Variants in ZNF778 observed in about 807,000 individuals in gnomAD.
ZNF778 encodes the protein zinc finger protein 778.
Under a neutral mutation model 23.9 loss-of-function variants are expected in ZNF778, and 37 were observed. The ratio of observed to expected loss-of-function variants is 1.54; its 90% CI spans 1.19 to 2.03. The LOEUF (loss-of-function observed/expected upper bound fraction) is 2.03, where lower values mean the gene tolerates loss of function less well. ZNF778 is among the 30% of genes most tolerant of loss of function. The probability of loss-of-function intolerance (pLI) is 0.00; values close to 1 mark genes in which losing one functional copy is unlikely to be tolerated. For missense variants in ZNF778, 1,297 were observed against 934.4 expected (o/e 1.39, Z -5.06); for synonymous variants, 483 against 343.9 (o/e 1.40, Z -4.48).
chr16:89,233,615 C>G lies in ZNF778; in HGVS notation c.*5053C>G. ...AACTCAACTCATACTGCATATGCAA[C>G]TCAACTCACACTGTATGCAACTCAG... On this transcript the variant is annotated 3_prime_UTR_variant, in exon 7 of 7. Coordinates refer to ENST00000433976, the MANE Select transcript of ZNF778 (RefSeq NM_001201407.2). 2.6e-6 allele frequency: 3 copies of G among 1,136,160 alleles called. No individual in the cohort carries two copies. Among genetic ancestry groups the G allele is most frequent in the Non-Finnish European group, 3.5e-6 (3 of 866,464 alleles). The allele number at this position is 1,136,160 out of a possible 1,614,324, so 70.4% of individuals were successfully genotyped here.
Position 89,225,486 on chromosome 16 carries a change from G to T in ZNF778, c.329-69G>T, listed in dbSNP as rs535736087. ...CTATCTTTGCTTTGTTTTTTTTTCT[G>T]CCATGTCTTATATGAAAACAAATAC... On this transcript the variant is annotated intron_variant, in intron 5 of 6. Coordinates refer to ENST00000433976, the MANE Select transcript of ZNF778 (RefSeq NM_001201407.2). 1.1e-4 allele frequency: 133 copies of T among 1,215,510 alleles called. 1 individual carries two copies. In the South Asian group the frequency reaches 1.4e-3, roughly 13 times the overall value. 75.3% of individuals were successfully genotyped at this position (1,215,510 alleles called of 1,614,324 possible). A position where few individuals can be genotyped will look rare whatever the true frequency, so the allele number is the denominator to read the frequency against.
chr16:89,224,872 T>A (rs951495374), intron 5 of ZNF778, 70 bp downstream of exon 5: 8 of 1,106,116 alleles, frequency 7.2e-6, no homozygotes. Flanking sequence ...GTGTCAAGTT[T>A]AGCGGCTATG....
chr16:89,219,303 T>A (rs4785769), intron 1 of ZNF778, among the ~76,000 whole-genome samples: 4 of 152,022 alleles, frequency 2.6e-5, no homozygotes, highest in Admixed American at 2.0e-4. Context: ...TCATATTGAC[T>A]TTGGTGTTGT....
In ZNF778 at chr16:89,228,387, C is replaced by T. The variant is rs1567508424; in HGVS notation, c.2099C>T (p.Pro700Leu). 1.2e-6 allele frequency: 2 copies of T among 1,613,726 alleles called. No homozygotes were observed. Among genetic ancestry groups the T allele is most frequent in the African/African-American group, 1.3e-5 (1 of 75,020 alleles). Residue 700 changes from proline to leucine, a missense_variant, in exon 7 of 7, where the codon CCC becomes CTC. Coordinates refer to ENST00000433976, the MANE Select transcript of ZNF778 (RefSeq NM_001201407.2). ...KHGRIHTGQKPYKCKECGKAY... is the reference protein window; with the variant it reads ...KHGRIHTGQKLYKCKECGKAY... ...GGAAGAATTCACACTGGGCAGAAACCCTATAAATGTAAGGAATGTGGGAAA... is the reference window on the plus strand; with the variant it reads ...GGAAGAATTCACACTGGGCAGAAACTCTATAAATGTAAGGAATGTGGGAAA...
At position 89,228,734 on chromosome 16, in the gene ZNF778, A is replaced by C. The variant is rs2031730866; in HGVS notation, c.*172A>C. The C allele has an allele frequency of 7.0e-7, 1 of 1,421,162 alleles. No homozygotes were observed. The allele number at this position is 1,421,162 out of a possible 1,614,324, so 88.0% of individuals were successfully genotyped here. ...AGCCCTATGCAGCAGACACAGAGAA[A>C]GCCCTCAGTGTTCTCTAAGGTCTTG... On this transcript the variant is annotated 3_prime_UTR_variant, in exon 7 of 7. Coordinates refer to ENST00000433976, the MANE Select transcript of ZNF778 (RefSeq NM_001201407.2).
rs745823022 is a variant in ZNF778, at chr16:89,228,175, C to T, written c.1887C>T (p.Ser629=). 3 of 1,613,462 alleles carry T rather than the reference C, an allele frequency of 1.9e-6. No homozygotes were observed. The highest frequency in any genetic ancestry group is 3.3e-5 in the Admixed American group (2 of 59,928). The change falls in exon 7 of 7, where the codon TCC becomes TCT. Residue 629 remains serine, a synonymous_variant. Transcript: ENST00000433976. ...CKVCGKAFTT[S]SHLIVHIRTH... The stretch of plus-strand genomic sequence containing the variant: ...TATGCGGAAAGGCCTTCACCACATC[C>T]TCACACCTTATCGTGCACATAAGAA...
Position 89,228,176 on chromosome 16 carries a change from T to A in ZNF778, c.1888T>A (p.Ser630Thr). The A allele has an allele frequency of 6.2e-7, 1 of 1,613,396 alleles. No homozygotes were observed. The highest frequency in any genetic ancestry group is 8.5e-7 in the Non-Finnish European group (1 of 1,179,568). ...KVCGKAFTTS[S>T]HLIVHIRTHT... ...ATGCGGAAAGGCCTTCACCACATCC[T>A]CACACCTTATCGTGCACATAAGAAC... The change falls in exon 7 of 7, where the codon TCA becomes ACA. Residue 630 changes from serine to threonine, a missense_variant. Physicochemically the swap from Ser to Thr is moderately conservative, Grantham distance 58. Coordinates refer to ENST00000433976, the MANE Select transcript of ZNF778 (RefSeq NM_001201407.2).
chr16:89,235,478 T>C lies in ZNF778; in HGVS notation c.*6916T>C, dbSNP rs1236104773. On this transcript the variant is annotated 3_prime_UTR_variant, in exon 7 of 7. Coordinates refer to ENST00000433976, the MANE Select transcript of ZNF778 (RefSeq NM_001201407.2). ...GAGAAGAGACATGAGCAGTTCTGCG[T>C]AGGCTTTAAGACAGAATCAACATGG... 6.6e-6 allele frequency: 1 copy of C among 152,210 alleles called. No individual in the cohort carries two copies. The highest frequency in any genetic ancestry group is 1.5e-5 in the Non-Finnish European group (1 of 68,044). The allele number at this position is 152,210 out of a possible 1,614,324, so 9.4% of individuals were successfully genotyped here. A position where few individuals can be genotyped will look rare whatever the true frequency, so the allele number is the denominator to read the frequency against.
rs945546246 is a variant in ZNF778, at chr16:89,235,979, A to C, written c.*7417A>C. 4 of 139,722 alleles carry C rather than the reference A, an allele frequency of 2.9e-5. No individual in the cohort carries two copies. The highest frequency in any genetic ancestry group is 1.1e-4 in the African/African-American group (4 of 36,520). 8.7% of individuals were successfully genotyped at this position (139,722 alleles called of 1,614,324 possible). A position where few individuals can be genotyped will look rare whatever the true frequency, so the allele number is the denominator to read the frequency against. ...CATGACCATCCTGGCCAACACAGTGAAACCTCGTCTCTAGTAAAAAAAAAA... is the reference window on the plus strand; with the variant it reads ...CATGACCATCCTGGCCAACACAGTGCAACCTCGTCTCTAGTAAAAAAAAAA... On this transcript the variant is annotated 3_prime_UTR_variant, in exon 7 of 7. Coordinates refer to ENST00000433976, the MANE Select transcript of ZNF778 (RefSeq NM_001201407.2).
rs781132481 is a variant in ZNF778, at chr16:89,227,005, C to T, written c.717C>T (p.Tyr239=). The T allele has an allele frequency of 3.1e-6, 5 of 1,613,848 alleles. No individual in the cohort carries two copies. The African/African-American group carries it at 4.0e-5, about 13-fold the overall frequency. ...GGGAAGTGTTCCTTAATCAGTCATA[C>T]CTTCAGGCACGTGCGGGAAGTCACA... ...SCGEVFLNQS[Y]LQARAGSHNG... is the part of the protein sequence containing the mutation. The change falls in exon 7 of 7, where the codon TAC becomes TAT. Residue 239 remains tyrosine, a synonymous_variant. Coordinates refer to ENST00000433976, the MANE Select transcript of ZNF778 (RefSeq NM_001201407.2).
intron 1 of ZNF778, among the ~76,000 whole-genome samples, chr16:89,218,776 G>A (rs896301515): frequency 6.6e-6 from 1 of 151,518 alleles, no homozygotes; most frequent in South Asian, 2.1e-4. Context: ...GGGCGACAGA[G>A]CGAGACTCCG....
At chr16:89,223,038 C>T (rs2151631165) in intron 3 of ZNF778, 119 bp from the exon 4 acceptor site, 1 of 1,249,060 alleles carries the variant, frequency 8.0e-7, no homozygotes, top group Non-Finnish European at 1.1e-6. Context: ...ACCACTGGGC[C>T]ATGGGGTAGA....
At chr16:89,220,769 G>A (rs1031417998) in intron 1 of ZNF778, among the ~76,000 whole-genome samples, 14 of 152,208 alleles carry the variant, frequency 9.2e-5, no homozygotes, top group African/African-American at 3.4e-4. Context: ...AATCCAGGCT[G>A]TTTTAGGTAT....
intron 4 of ZNF778, 69 bp from the exon 5 acceptor site, chr16:89,224,650 C>T: frequency 9.0e-7 from 1 of 1,111,536 alleles, no homozygotes; most frequent in South Asian, 1.3e-5. Context: ...AATGTAGTTC[C>T]TGTTCACGGG....
chr16:89,225,828 C>T (rs2031426535), intron 6 of ZNF778, among the ~76,000 whole-genome samples, 197 bp downstream of exon 6: 1 of 152,102 alleles, frequency 6.6e-6, no homozygotes, highest in Non-Finnish European at 1.5e-5. Flanking sequence ...TTCAGACACA[C>T]ATCAGCGCAC....
At chr16:89,220,813 A>G (rs745753698) in intron 1 of ZNF778, among the ~76,000 whole-genome samples, 184 bp from the exon 2 acceptor site, 49 of 152,190 alleles carry the variant, frequency 3.2e-4, no homozygotes, top group Admixed American at 8.5e-4. Context: ...GGCTGTTCTG[A>G]TAATTAAAGG....
At position 89,220,993 on chromosome 16, in the gene ZNF778, C is replaced by G. The variant is rs566167264; in HGVS notation, c.-131-4C>G. 1.9e-5 allele frequency: 17 copies of G among 901,186 alleles called. No homozygotes were observed. The African/African-American group carries it at 2.3e-4, about 12-fold the overall frequency. 55.8% of individuals were successfully genotyped at this position (901,186 alleles called of 1,614,324 possible). The stretch of plus-strand genomic sequence containing the variant: ...AAGTAATGCTTCTTCATCATGATTG[C>G]TAGGAAATAGGGATCCAGCCATCCG... On this transcript the variant is annotated splice_polypyrimidine_tract_variant and splice_region_variant and intron_variant, in intron 1 of 6. Transcript: ENST00000433976.
chr16:89,219,664 C>T (rs1405667941), intron 1 of ZNF778, among the ~76,000 whole-genome samples: 7 of 152,238 alleles, frequency 4.6e-5, no homozygotes, highest in African/African-American at 2.4e-5. Context: ...TTACCATGGA[C>T]GCTGTGTCAG....
chr16:89,232,868 G>T lies in ZNF778; in HGVS notation c.*4306G>T, dbSNP rs143882378. On this transcript the variant is annotated 3_prime_UTR_variant, in exon 7 of 7. Transcript: ENST00000433976. Reference sequence around the variant, plus strand: ...TCACACCGTGTATGCAAATCAACTCGCACTGCGTATGCAACTCAACTCGCA... The same window carrying T: ...TCACACCGTGTATGCAAATCAACTCTCACTGCGTATGCAACTCAACTCGCA... The T allele has an allele frequency of 2.9e-4, 350 of 1,220,058 alleles. No homozygotes were observed. The highest frequency in any genetic ancestry group is 3.5e-4 in the Non-Finnish European group (338 of 963,262). 75.6% of individuals were successfully genotyped at this position (1,220,058 alleles called of 1,614,324 possible). A position where few individuals can be genotyped will look rare whatever the true frequency, so the allele number is the denominator to read the frequency against.
Sources: gnomAD v4.1 joint callset for allele counts (sites outside exome capture counted in the v4.1 genomes callset) on GRCh38, gnomAD v4.1.1 for gene constraint, MANE v1.5 for transcripts, NCBI Gene and HGNC (gene_info 2026-07-23, HGNC 2026-07-21) for gene names.